The following ALOX5AP variants were observed in gnomAD, a reference collection of about 807,000 sequenced individuals.
ALOX5AP encodes arachidonate 5-lipoxygenase activating protein.
In ALOX5AP, 9 loss-of-function variants were observed where a neutral mutation model predicts 18.5. The observed-to-expected ratio is 0.49, with a 90% confidence interval of 0.29 to 0.85. The LOEUF is 0.85. Among genes scored for constraint, ALOX5AP ranks in the 40% least tolerant of loss-of-function variants. The pLI, the probability that ALOX5AP is intolerant of heterozygous loss-of-function variation, is 0.08. For missense variants in ALOX5AP, 172 were observed against 202.5 expected, an observed-to-expected ratio of 0.85 and a Z score of 0.91; for synonymous variants, 81 against 78.6, an observed-to-expected ratio of 1.03 and a Z score of -0.16.
intron 1 of ALOX5AP, among the ~76,000 whole-genome samples, chr13:30,720,020 C>T (rs1038700323): frequency 2.6e-5 from 4 of 152,284 alleles, no homozygotes; most frequent in African/African-American, 9.6e-5. Flanking sequence ...TGCCACCACG[C>T]CCAGATAATT....
intron 1 of ALOX5AP, among the ~76,000 whole-genome samples, chr13:30,736,234 G>A (rs919139236): frequency 4.3e-4 from 64 of 150,568 alleles, no homozygotes; most frequent in Admixed American, 3.6e-3. Flanking sequence ...TTTTTCTCTA[G>A]CACGTATAAT....
intron 4 of ALOX5AP, among the ~76,000 whole-genome samples, chr13:30,763,259 G>C (rs1380888099): frequency 6.6e-6 from 1 of 152,224 alleles, no homozygotes; most frequent in African/African-American, 2.4e-5. Flanking sequence ...AGTGAGCCGA[G>C]ATTGCACCAC....
At position 30,752,260 on chromosome 13, in the gene ALOX5AP, C is replaced by T. The variant is rs532631164; in HGVS notation, c.241+138C>T. The T allele has an allele frequency of 1.4e-4, 109 of 803,492 alleles. No homozygotes were observed. In the African/African-American group the frequency reaches 1.4e-3, roughly 10 times the overall value. 49.8% of individuals were successfully genotyped at this position (803,492 alleles called of 1,614,324 possible). On this transcript the variant is annotated intron_variant, in intron 3 of 4. Transcript: ENST00000380490. Reference sequence around the variant, plus strand: ...GAAGCCCTGGAGAGGTGAGAGCCCTCGGGAGGCCGTGTTTCAGGCATGCTC... The same window carrying T: ...GAAGCCCTGGAGAGGTGAGAGCCCTTGGGAGGCCGTGTTTCAGGCATGCTC...
At chr13:30,745,210 T>A (rs1230269991) in intron 2 of ALOX5AP, among the ~76,000 whole-genome samples, 5 of 152,350 alleles carry the variant, frequency 3.3e-5, no homozygotes, top group African/African-American at 1.2e-4. Flanking sequence ...TCTTCAGTCC[T>A]TCTCCTCATC....
upstream of ALOX5AP, among the ~76,000 whole-genome samples, chr13:30,735,137 A>G (rs894496016): frequency 6.6e-6 from 1 of 152,072 alleles, no homozygotes; most frequent in South Asian, 2.1e-4. Context: ...CAGCCACCCA[A>G]AATGCTGGGG....
intron 1 of ALOX5AP, among the ~76,000 whole-genome samples, chr13:30,741,784 A>C (rs1951767496): frequency 6.6e-6 from 1 of 151,942 alleles, no homozygotes; most frequent in African/African-American, 2.4e-5. Flanking sequence ...AAAGACAGTA[A>C]CAAGAAAAAA....
chr13:30,716,364 G>T (rs1299945299), intron 1 of ALOX5AP, among the ~76,000 whole-genome samples: 1 of 152,150 alleles, frequency 6.6e-6, no homozygotes, highest in African/African-American at 2.4e-5. Context: ...AACACAGTTT[G>T]GAAACCATTG....
At chr13:30,722,417 T>G (rs559110427) in intron 1 of ALOX5AP, among the ~76,000 whole-genome samples, 1 of 152,290 alleles carries the variant, frequency 6.6e-6, no homozygotes, top group East Asian at 1.9e-4. Flanking sequence ...ATTGCTATTT[T>G]ATTTTTTTTT....
Position 30,755,990 on chromosome 13 carries a change from G to A in ALOX5AP, c.288G>A (p.Lys96=), listed in dbSNP as rs1287696990. 1.2e-6 allele frequency: 2 copies of A among 1,614,206 alleles called. No individual in the cohort carries two copies. Among genetic ancestry groups the A allele is most frequent in the Non-Finnish European group, 1.7e-6 (2 of 1,180,016 alleles). Reference sequence around the variant, plus strand: ...TGATGTACTTGTTTGTGAGGCAAAAGTACTTTGTCGGTTACCTAGGAGAGA... The same window carrying A: ...TGATGTACTTGTTTGTGAGGCAAAAATACTTTGTCGGTTACCTAGGAGAGA... ...AGLMYLFVRQ[K]YFVGYLGERT... is the part of the protein sequence containing the mutation. Residue 96 remains lysine (K), a synonymous_variant, in exon 4 of 5, where the codon AAG becomes AAA. Transcript: ENST00000380490.
intron 1 of ALOX5AP, among the ~76,000 whole-genome samples, chr13:30,738,817 C>T (rs539267397): frequency 1.3e-5 from 2 of 152,140 alleles, no homozygotes; most frequent in Non-Finnish European, 2.9e-5. Context: ...CGGCCTCTTT[C>T]CCCCAAGAGA....
chr13:30,753,411 T>C (rs909118550), intron 3 of ALOX5AP, among the ~76,000 whole-genome samples: 2 of 152,208 alleles, frequency 1.3e-5, no homozygotes, highest in African/African-American at 4.8e-5. Context: ...TGATGCTTGA[T>C]CTAGATGAAT....
chr13:30,734,225 G>A (rs927480886), upstream of ALOX5AP, among the ~76,000 whole-genome samples: 2 of 152,138 alleles, frequency 1.3e-5, no homozygotes, highest in Admixed American at 1.3e-4. Flanking sequence ...TGACCAGCCC[G>A]ACAGCCCTGG....
intron 2 of ALOX5AP, among the ~76,000 whole-genome samples, chr13:30,749,357 T>A (rs1951834042): frequency 6.6e-6 from 1 of 152,174 alleles, no homozygotes; most frequent in African/African-American, 2.4e-5. Context: ...AGGGGAAATC[T>A]TTGGTACTAA....
intron 4 of ALOX5AP, among the ~76,000 whole-genome samples, chr13:30,759,887 T>G (rs1951927216): frequency 6.6e-6 from 1 of 152,232 alleles, no homozygotes; most frequent in African/African-American, 2.4e-5. Context: ...TCAGAATCTC[T>G]GCCAGAGGAA....
chr13:30,744,949 C>A (rs1951797886), intron 2 of ALOX5AP, among the ~76,000 whole-genome samples: 1 of 152,176 alleles, frequency 6.6e-6, no homozygotes, highest in Non-Finnish European at 1.5e-5. Flanking sequence ...ATCCCAGGAG[C>A]AACTTTGATG....
chr13:30,736,357 C>T (rs1286261885), intron 1 of ALOX5AP, among the ~76,000 whole-genome samples: 1 of 151,926 alleles, frequency 6.6e-6, no homozygotes, highest in Non-Finnish European at 1.5e-5. Flanking sequence ...TTAAAAACAA[C>T]AACAACAACA....
At chr13:30,746,570 G>T (rs548453657) in intron 2 of ALOX5AP, among the ~76,000 whole-genome samples, 3 of 152,330 alleles carry the variant, frequency 2.0e-5, no homozygotes, top group Admixed American at 2.0e-4. Context: ...AGAGGCAGCT[G>T]GTCTGTTTGC....
At chr13:30,753,287 C>T (rs957632035) in intron 3 of ALOX5AP, among the ~76,000 whole-genome samples, 3 of 152,232 alleles carry the variant, frequency 2.0e-5, no homozygotes, top group African/African-American at 7.2e-5. Context: ...GTAAGCTCAC[C>T]ATTTATTTCC....
upstream of ALOX5AP, among the ~76,000 whole-genome samples, chr13:30,733,190 G>GGA (rs376701890): frequency 2.9e-4 from 43 of 150,610 alleles, no homozygotes; most frequent in South Asian, 7.3e-3. Context: ...AGGAAGGGCG[G>GGA]GAGAGAGAGA....
Sources: gnomAD v4.1 joint callset for allele counts (sites outside exome capture counted in the v4.1 genomes callset) on GRCh38, gnomAD v4.1.1 for gene constraint, MANE v1.5 for transcripts, NCBI Gene and HGNC (gene_info 2026-07-23, HGNC 2026-07-21) for gene names.